The following C5orf46 variants were observed in gnomAD, a reference collection of about 807,000 sequenced individuals.
The protein encoded by C5orf46 is chromosome 5 open reading frame 46.
In C5orf46, 9 loss-of-function variants were observed where a neutral mutation model predicts 8.9. The observed-to-expected ratio is 1.01, with a 90% CI of 0.61 to 1.76. The LOEUF (loss-of-function observed/expected upper bound fraction) is 1.76, where lower values mean the gene tolerates loss of function less well. Ranked by LOEUF, C5orf46 falls within the 40% of genes most tolerant of loss-of-function variation. C5orf46 has a pLI of 0.00. For missense variants in C5orf46, 98 were observed against 107.8 expected, an observed-to-expected ratio of 0.91 and a Z score of 0.40; for synonymous variants, 47 against 41.4, an observed-to-expected ratio of 1.14 and a Z score of -0.52.
chr5:147,888,148 C>T (rs1274771055), downstream of C5orf46, among the ~76,000 whole-genome samples: 1 of 152,186 alleles, frequency 6.6e-6, no homozygotes, highest in African/African-American at 2.4e-5. Context: ...CTCTCCCTGA[C>T]ACGTCATGTA....
chr5:147,887,286 T>C (rs568819712), intron 2 of C5orf46: 1 of 152,282 alleles, frequency 6.6e-6, no homozygotes, highest in Admixed American at 6.5e-5. Context: ...AGGTAGATAA[T>C]GAGAAATATC....
At chr5:147,889,565 T>G (rs1757471874), downstream of C5orf46, among the ~76,000 whole-genome samples, 1 of 152,156 alleles carries the variant, frequency 6.6e-6, no homozygotes, top group Admixed American at 6.5e-5. Flanking sequence ...GGTAATGGGT[T>G]GATAGATACA....
At chr5:147,892,345 GAAGGC>G (rs904528951), downstream of C5orf46, among the ~76,000 whole-genome samples, 1 of 152,200 alleles carries the variant, frequency 6.6e-6, no homozygotes, top group African/African-American at 2.4e-5. Flanking sequence ...GACTCTGTGG[GAAGGC>G]AATGATTTTA....
intron 1 of C5orf46, among the ~76,000 whole-genome samples, chr5:147,903,128 A>C (rs1158875930): frequency 2.6e-5 from 4 of 152,172 alleles, no homozygotes; most frequent in Admixed American, 1.3e-4. Context: ...GGAGATGAGA[A>C]GAGATGGAAG....
chr5:147,897,094 T>C (rs1202718168), intron 2 of C5orf46, 53 bp from the exon 3 acceptor site: 2 of 840,520 alleles, frequency 2.4e-6, no homozygotes, highest in African/African-American at 3.4e-5. Flanking sequence ...ACAGGAGTGT[T>C]AGAATGATCA....
chr5:147,895,117 A>G (rs539024755), intron 3 of C5orf46, among the ~76,000 whole-genome samples: 103 of 151,934 alleles, frequency 6.8e-4, no homozygotes, highest in Non-Finnish European at 1.0e-3. Context: ...CTATCCAACT[A>G]CCTATCTTAA....
intron 2 of C5orf46, among the ~76,000 whole-genome samples, chr5:147,897,813 G>T (rs1358290352): frequency 6.6e-6 from 1 of 152,130 alleles, no homozygotes; most frequent in African/African-American, 2.4e-5. Flanking sequence ...TGAACAGAGT[G>T]GGGTTTTGGC....
intron 3 of C5orf46, among the ~76,000 whole-genome samples, chr5:147,894,051 C>A (rs1269221280): frequency 6.6e-6 from 1 of 152,016 alleles, no homozygotes; most frequent in African/African-American, 2.4e-5. Flanking sequence ...TTCCTAGATC[C>A]CTCCCTAGGA....
chr5:147,896,946 A>T (rs1757589669), intron 3 of C5orf46, 38 bp downstream of exon 3: 2 of 1,111,934 alleles, frequency 1.8e-6, no homozygotes, highest in Middle Eastern at 2.6e-4. Flanking sequence ...TGTCCAATAC[A>T]CTGTTATTTC....
intron 1 of C5orf46, among the ~76,000 whole-genome samples, chr5:147,902,897 G>C (rs1261761338): frequency 6.6e-6 from 1 of 152,142 alleles, no homozygotes; most frequent in African/African-American, 2.4e-5. Context: ...ATCTTACAGA[G>C]TATGCATTTT....
downstream of C5orf46, among the ~76,000 whole-genome samples, chr5:147,890,381 A>T (rs1373669118): frequency 6.6e-6 from 1 of 152,160 alleles, no homozygotes; most frequent in Non-Finnish European, 1.5e-5. Context: ...ATTGCTCATG[A>T]TTGCACCAGA....
At chr5:147,900,637 T>C (rs1480304045) in intron 2 of C5orf46, among the ~76,000 whole-genome samples, 1 of 152,218 alleles carries the variant, frequency 6.6e-6, no homozygotes, top group East Asian at 1.9e-4. Flanking sequence ...ACCATATCCA[T>C]GGCCTTGTCC....
intron 3 of C5orf46, among the ~76,000 whole-genome samples, chr5:147,894,842 C>A: frequency 6.6e-6 from 1 of 151,400 alleles, no homozygotes; most frequent in Non-Finnish European, 1.5e-5. Flanking sequence ...GGGGGTGAAT[C>A]ACTGTCAGGA....
rs554071832 is a variant in C5orf46, at chr5:147,895,579, TC to T, written c.*9+1404del. On this transcript the variant is annotated intron_variant, in intron 3 of 3. Transcript: ENST00000318315. The stretch of plus-strand genomic sequence containing the variant: ...TTTACATCTTGTCTATGTCTTCTGT[TC>T]TTTCTGCTCCTCCATGTGGCCTTGC... 1.0e-3 allele frequency among the ~76,000 whole-genome samples: 158 copies of T among 152,292 alleles called. 1 individual carries two copies. Among genetic ancestry groups the T allele is most frequent in the African/African-American group, 3.7e-3 (154 of 41,568 alleles).
intron 3 of C5orf46, among the ~76,000 whole-genome samples, chr5:147,895,874 C>T (rs1246653647): frequency 2.6e-5 from 4 of 152,130 alleles, no homozygotes; most frequent in Non-Finnish European, 4.4e-5. Context: ...GCCTGATTCT[C>T]ATCCTTAGAA....
chr5:147,904,749 T>G (rs2127132846), intron 1 of C5orf46, among the ~76,000 whole-genome samples: 1 of 152,062 alleles, frequency 6.6e-6, no homozygotes, highest in South Asian at 2.1e-4. Context: ...CCATGTAAAC[T>G]TGCACACAGT....
intron 2 of C5orf46, among the ~76,000 whole-genome samples, chr5:147,900,368 T>C (rs889133576): frequency 9.2e-5 from 14 of 152,188 alleles, no homozygotes; most frequent in Admixed American, 3.3e-4. Context: ...ACAAAACCCC[T>C]GATTACTCCT....
In C5orf46 at chr5:147,892,862, C is replaced by A. The variant is rs1757522606; in HGVS notation, c.*87G>T. 1 of 152,142 alleles carries A rather than the reference C, an allele frequency of 6.6e-6. No individual in the cohort carries two copies. Among genetic ancestry groups the A allele is most frequent in the African/African-American group, 2.4e-5 (1 of 41,434 alleles). The allele number at this position is 152,142 out of a possible 1,614,324, so 9.4% of individuals were successfully genotyped here. On this transcript the variant is annotated 3_prime_UTR_variant, in exon 4 of 4. Coordinates refer to ENST00000318315, the MANE Select transcript of C5orf46 (RefSeq NM_206966.3). ...TGGGAGTTGCTTTGAGGGCTCTGTC[C>A]TGGAGGACTTGTGGAGCCAAACTGG...
At chr5:147,896,426 C>G (rs10477355) in intron 3 of C5orf46, among the ~76,000 whole-genome samples, 32,059 of 152,108 alleles carry the variant, frequency 0.21, 5,707 homozygotes, top group African/African-American at 0.49. Context: ...TTCATACCAG[C>G]TACTAATATT....
Sources: gnomAD v4.1 joint callset for allele counts (sites outside exome capture counted in the v4.1 genomes callset) on GRCh38, gnomAD v4.1.1 for gene constraint, MANE v1.5 for transcripts, NCBI Gene and HGNC (gene_info 2026-07-23, HGNC 2026-07-21) for gene names.